DRC1: variants seen among roughly 807,000 people sequenced by gnomAD.
The protein encoded by DRC1 is dynein regulatory complex subunit 1.
A neutral mutation model predicts 98.7 loss-of-function variants in DRC1; 74 were observed. The observed-to-expected ratio is 0.75, with a 90% CI of 0.62 to 0.91. The LOEUF (loss-of-function observed/expected upper bound fraction) is 0.91, where lower values mean the gene tolerates loss of function less well. Among genes scored for constraint, DRC1 ranks in the 40% least tolerant of loss-of-function variants. The probability of loss-of-function intolerance (pLI) is 0.00; values close to 1 mark genes in which losing one functional copy is unlikely to be tolerated. For synonymous variants in DRC1, 336 were observed against 334.1 expected (o/e 1.01, Z -0.06); for missense variants, 875 against 886.0 (o/e 0.99, Z 0.16).
chr2:26,405,557 A>G (rs1220006538), intron 1 of DRC1, among the ~76,000 whole-genome samples: 1 of 151,876 alleles, frequency 6.6e-6, no homozygotes, highest in Non-Finnish European at 1.5e-5. Context: ...AGAGCTGTCA[A>G]TGTAAAGAGT....
intron 6 of DRC1, 150 bp from the exon 7 acceptor site, chr2:26,431,734 G>A: frequency 8.0e-7 from 1 of 1,245,990 alleles, no homozygotes; most frequent in Non-Finnish European, 1.1e-6. Flanking sequence ...AAAAGCCTTG[G>A]GTATTCAGGA....
At position 26,447,328 on chromosome 2, in the gene DRC1, A is replaced by G. The variant is rs1217584418; in HGVS notation, c.1397-1363A>G. On this transcript the variant is annotated intron_variant, in intron 10 of 16. Coordinates refer to ENST00000288710, the MANE Select transcript of DRC1 (RefSeq NM_145038.5). ...CTCAGGAGGCTGAGGCAGGAGAATC[A>G]CTTGAACCCGGGAGGTGGAGGTTGC... 2.9e-3 allele frequency among the ~76,000 whole-genome samples: 413 copies of G among 141,760 alleles called. No homozygotes were observed. The Middle Eastern group carries it at 0.035, about 12-fold the overall frequency. 93.0% of individuals were successfully genotyped at this position (141,760 alleles called of 152,430 possible).
intron 7 of DRC1, among the ~76,000 whole-genome samples, chr2:26,435,849 C>T (rs888360988): frequency 6.6e-6 from 1 of 151,802 alleles, no homozygotes; most frequent in Admixed American, 6.6e-5. Flanking sequence ...TTTAAAAATC[C>T]ATTCTACCGT....
chr2:26,439,281 G>A (rs1663652826), intron 7 of DRC1, among the ~76,000 whole-genome samples: 1 of 151,988 alleles, frequency 6.6e-6, no homozygotes, highest in Non-Finnish European at 1.5e-5. Context: ...GTCTTCCAGG[G>A]ATCCCTTCCC....
At chr2:26,402,421 G>A (rs943306519) in intron 1 of DRC1, among the ~76,000 whole-genome samples, 2 of 152,276 alleles carry the variant, frequency 1.3e-5, no homozygotes, top group South Asian at 2.1e-4. Context: ...GCGTGGTGGC[G>A]TTCGACTGTG....
At chr2:26,442,881 C>G (rs1663753793) in intron 8 of DRC1, among the ~76,000 whole-genome samples, 1 of 152,188 alleles carries the variant, frequency 6.6e-6, no homozygotes, top group Non-Finnish European at 1.5e-5. Flanking sequence ...CGCCTGCTAT[C>G]TTGCCCAGAC....
At position 26,431,762 on chromosome 2, in the gene DRC1, A is replaced by C. The variant is rs1289023026; in HGVS notation, c.766-122A>C. On this transcript the variant is annotated intron_variant, in intron 6 of 16. Coordinates refer to ENST00000288710, the MANE Select transcript of DRC1 (RefSeq NM_145038.5). The stretch of plus-strand genomic sequence containing the variant: ...ATTCAGGACTTCTGAAAGCCACCAG[A>C]CTCCCTGTGGAGCCATGAAACTTCC... 1.6e-5 allele frequency: 24 copies of C among 1,479,700 alleles called. No individual in the cohort carries two copies. The Admixed American group carries it at 2.8e-4, about 17-fold the overall frequency. The allele number at this position is 1,479,700 out of a possible 1,614,324, so 91.7% of individuals were successfully genotyped here.
chr2:26,445,488 C>T (rs1344303875), intron 10 of DRC1, among the ~76,000 whole-genome samples: 1 of 152,066 alleles, frequency 6.6e-6, no homozygotes, highest in Non-Finnish European at 1.5e-5. Context: ...CCAAAGGTAC[C>T]AATGAGTTTT....
In DRC1 at chr2:26,454,933, A is replaced by AT. The variant is rs1189596415; in HGVS notation, c.2063+144dup. ...TTGGCATCTCCTGTGTGGGTGGATC[A>AT]TGTGGGGCAGTTGGCTCTTGGGCCC... is the stretch of plus-strand genomic sequence containing the variant. On this transcript the variant is annotated intron_variant, in intron 15 of 16. Transcript: ENST00000288710. The surrounding 1 kb of genome is among the most constrained non-coding windows in gnomAD (Gnocchi z 5.2). The AT allele has an allele frequency of 2.1e-6, 3 of 1,451,310 alleles. No individual in the cohort carries two copies. Among genetic ancestry groups the AT allele is most frequent in the Non-Finnish European group, 2.8e-6 (3 of 1,056,684 alleles). 89.9% of individuals were successfully genotyped at this position (1,451,310 alleles called of 1,614,324 possible). A position where few individuals can be genotyped will look rare whatever the true frequency, so the allele number is the denominator to read the frequency against.
intron 1 of DRC1, among the ~76,000 whole-genome samples, chr2:26,407,215 G>A (rs547522089): frequency 5.5e-4 from 84 of 152,130 alleles, no homozygotes; most frequent in African/African-American, 1.9e-3. Context: ...TATTTAAGGG[G>A]ATTAAGTAAA....
chr2:26,440,506 G>A lies in DRC1; in HGVS notation c.1017G>A (p.Arg339=). The A allele has an allele frequency of 6.2e-7, 1 of 1,610,426 alleles. No individual in the cohort carries two copies. Among genetic ancestry groups the A allele is most frequent in the Non-Finnish European group, 8.5e-7 (1 of 1,177,878 alleles). The change falls in exon 8 of 17, where the codon AGG becomes AGA. Residue 339 remains arginine (R), a synonymous_variant. Transcript: ENST00000288710. The part of the protein sequence containing the change: ...ESTVIKSQQK[R]KINRLHDILN... Reference sequence around the variant, plus strand: ...CAGTAATTAAATCCCAGCAGAAGAGGAAGATCAATCGGTAAGCTAGCATGC... The same window carrying A: ...CAGTAATTAAATCCCAGCAGAAGAGAAAGATCAATCGGTAAGCTAGCATGC...
chr2:26,429,606 AC>A, intron 4 of DRC1, 21 bp from the exon 5 acceptor site: 2 of 1,612,010 alleles, frequency 1.2e-6, no homozygotes, highest in Non-Finnish European at 1.7e-6. Flanking sequence ...TTGTGGCCAG[AC>A]TTTTACATGC....
Position 26,444,900 on chromosome 2 carries a change from C to A in DRC1, c.1348C>A (p.Pro450Thr), listed in dbSNP as rs1214850546. ...LNNVGPISQQ[P>T]QKSATQIVEE... ...CAATGTTGGGCCTATTTCTCAGCAG[C>A]CCCAGAAGTCCGCCACACAGATAGT... The change falls in exon 10 of 17, where the codon CCC (proline) becomes ACC (threonine). Residue 450 changes from proline to threonine, a missense_variant. Physicochemically the swap from Pro to Thr is conservative, Grantham distance 38. Transcript: ENST00000288710. 2 of 1,614,046 alleles carry A rather than the reference C, an allele frequency of 1.2e-6. No individual in the cohort carries two copies. The highest frequency in any genetic ancestry group is 1.7e-6 in the Non-Finnish European group (2 of 1,180,044).
rs760409243 is a variant in DRC1, at chr2:26,421,363, C to G, written c.319C>G (p.His107Asp). 21 of 1,613,384 alleles carry G rather than the reference C, an allele frequency of 1.3e-5. No individual in the cohort carries two copies. Among genetic ancestry groups the G allele is most frequent in the Non-Finnish European group, 1.7e-5 (20 of 1,179,692 alleles). The change falls in exon 3 of 17, where the codon CAC (histidine) becomes GAC (aspartate). Residue 107 changes from histidine to aspartate, a missense_variant. Transcript: ENST00000288710. ...IQVAIDIREIHRRVEEEEIKR... is the reference protein window; with the variant it reads ...IQVAIDIREIDRRVEEEEIKR... The stretch of plus-strand genomic sequence containing the variant: ...GGTGGCTATAGATATCAGAGAGATT[C>G]ACAGGAGAGTCGAAGAAGAGGAGAT...
intron 4 of DRC1, among the ~76,000 whole-genome samples, chr2:26,427,414 G>A (rs753464152): frequency 6.6e-6 from 1 of 151,736 alleles, no homozygotes; most frequent in Non-Finnish European, 1.5e-5. Flanking sequence ...CCGCACCTGA[G>A]CTTTTTTTTT....
rs1558443797 is a variant in DRC1, at chr2:26,429,672, A to C, written c.585A>C (p.Lys195Asn). The change falls in exon 5 of 17, where the codon AAA becomes AAC. Residue 195 changes from lysine to asparagine, a missense_variant. By Grantham distance (94) the Lys-to-Asn change is moderately conservative. Transcript: ENST00000288710. ...ACCAGTATGTGAAGGATTTGAAGAA[A>C]CAGTCAGATGACATCTGCCTGCTTC... ...KDDQYVKDLK[K>N]QSDDICLLLE... 1 of 1,614,060 alleles carries C rather than the reference A, an allele frequency of 6.2e-7. No individual in the cohort carries two copies. The highest frequency in any genetic ancestry group is 8.5e-7 in the Non-Finnish European group (1 of 1,180,030).
chr2:26,434,682 G>C (rs899418449), intron 7 of DRC1, among the ~76,000 whole-genome samples: 1 of 152,126 alleles, frequency 6.6e-6, no homozygotes, highest in Non-Finnish European at 1.5e-5. Flanking sequence ...ATGAGGTCGG[G>C]AGATCGAGAT....
intron 1 of DRC1, among the ~76,000 whole-genome samples, chr2:26,409,797 T>C (rs553702961): frequency 1.3e-5 from 2 of 152,360 alleles, no homozygotes; most frequent in African/African-American, 4.8e-5. Flanking sequence ...TTTTAACCCA[T>C]GTTTTAATTT....
At chr2:26,430,102 G>A (rs1276792589) in intron 5 of DRC1, among the ~76,000 whole-genome samples, 1 of 152,094 alleles carries the variant, frequency 6.6e-6, no homozygotes. Context: ...TGTTTTGAAG[G>A]AAAATAAGAC....
Sources: gnomAD v4.1 joint callset for allele counts (sites outside exome capture counted in the v4.1 genomes callset) on GRCh38, gnomAD v4.1.1 for gene constraint, Gnocchi (gnomAD v3.1) non-coding constraint, MANE v1.5 for transcripts, NCBI Gene and HGNC (gene_info 2026-07-23, HGNC 2026-07-21) for gene names.